The following SNX10 variants were observed in gnomAD, a reference collection of about 807,000 sequenced individuals.
The protein encoded by SNX10 is sorting nexin 10, also known as sorting nexin-10.
SNX10 carries 25 observed loss-of-function variants against 28.5 expected under a neutral mutation model. That is an observed-to-expected ratio of 0.88 (90% CI 0.64 to 1.22). The LOEUF (loss-of-function observed/expected upper bound fraction) is 1.22, where lower values mean the gene tolerates loss of function less well. SNX10 is among the 50% of genes most tolerant of loss of function. The pLI, the probability that SNX10 is intolerant of heterozygous loss-of-function variation, is 0.00. For synonymous variants in SNX10, 62 were observed against 81.4 expected, an observed-to-expected ratio of 0.76 and a Z score of 1.28; for missense variants, 223 against 242.6, an observed-to-expected ratio of 0.92 and a Z score of 0.54.
chr7:26,314,569 T>C (rs1300748724), intron 1 of SNX10, among the ~76,000 whole-genome samples: 3 of 152,226 alleles, frequency 2.0e-5, no homozygotes, highest in Admixed American at 6.5e-5. Context: ...TTATATTGAC[T>C]TGTGAATTTG....
At chr7:26,309,880 GTAA>G (rs1326453244) in intron 1 of SNX10, among the ~76,000 whole-genome samples, 1 of 152,166 alleles carries the variant, frequency 6.6e-6, no homozygotes, top group Non-Finnish European at 1.5e-5. Context: ...CAAAATTGAA[GTAA>G]TAATGATACC....
intron 1 of SNX10, among the ~76,000 whole-genome samples, chr7:26,338,967 C>T (rs549216936): frequency 6.6e-6 from 1 of 152,166 alleles, no homozygotes; most frequent in Non-Finnish European, 1.5e-5. Flanking sequence ...TCCCCAGGAG[C>T]AATTTAGGAA....
At chr7:26,324,842 A>T (rs1364257325) in intron 1 of SNX10, among the ~76,000 whole-genome samples, 1 of 150,682 alleles carries the variant, frequency 6.6e-6, no homozygotes, top group Non-Finnish European at 1.5e-5. Context: ...CCTGAATTAT[A>T]TTATTTAAAC....
At position 26,371,988 on chromosome 7, in the gene SNX10, A is replaced by G. The variant is rs1209170123; in HGVS notation, c.479A>G (p.Asp160Gly). 2 of 1,613,142 alleles carry G rather than the reference A, an allele frequency of 1.2e-6. No homozygotes were observed. Among genetic ancestry groups the G allele is most frequent in the Admixed American group, 3.3e-5 (2 of 59,988 alleles). Residue 160 changes from aspartate to glycine, a missense_variant, in exon 6 of 7, where the codon GAT becomes GGT. Asp to Gly is a moderately conservative substitution (Grantham distance 94). Transcript: ENST00000338523. ...ALMNRRFPEE[D>G]EEGKKENDID... The stretch of plus-strand genomic sequence containing the variant: ...ATGAATAGACGTTTCCCTGAAGAAG[A>G]TGAAGAAGGAAAAAAAGAAAATGAT...
intron 1 of SNX10, among the ~76,000 whole-genome samples, chr7:26,319,989 T>G (rs974905646): frequency 6.6e-6 from 1 of 151,812 alleles, no homozygotes; most frequent in Non-Finnish European, 1.5e-5. Flanking sequence ...ATTAATTAAT[T>G]TATTTATTTT....
At chr7:26,302,649 T>G (rs1004330891) in intron 1 of SNX10, among the ~76,000 whole-genome samples, 1 of 152,174 alleles carries the variant, frequency 6.6e-6, no homozygotes, top group Non-Finnish European at 1.5e-5. Flanking sequence ...TTCTGCGGGG[T>G]GCACCCTCGG....
intron 2 of SNX10, among the ~76,000 whole-genome samples, chr7:26,350,336 G>C (rs1788547109): frequency 6.6e-6 from 1 of 152,176 alleles, no homozygotes; most frequent in African/African-American, 2.4e-5. Flanking sequence ...CCACCACTGA[G>C]GGAGGAGATG....
At chr7:26,349,943 G>A (rs891848618) in intron 2 of SNX10, among the ~76,000 whole-genome samples, 35 of 152,190 alleles carry the variant, frequency 2.3e-4, no homozygotes, top group Admixed American at 1.3e-4. Context: ...TTGCCCAAGC[G>A]CCTGCTCCCT....
chr7:26,358,074 G>A (rs1243250746), intron 2 of SNX10, among the ~76,000 whole-genome samples: 1 of 152,150 alleles, frequency 6.6e-6, no homozygotes, highest in African/African-American at 2.4e-5. Context: ...AGAGAGGGAA[G>A]AAGTTTGCCA....
At chr7:26,360,210 A>G (rs566415809) in intron 2 of SNX10, among the ~76,000 whole-genome samples, 103 of 152,272 alleles carry the variant, frequency 6.8e-4, no homozygotes, top group Middle Eastern at 6.8e-3. Context: ...CACAAAGTCA[A>G]CTTCAACCCT....
At chr7:26,342,410 G>C (rs1455483399) in intron 1 of SNX10, among the ~76,000 whole-genome samples, 2 of 152,170 alleles carry the variant, frequency 1.3e-5, no homozygotes, top group Non-Finnish European at 2.9e-5. Flanking sequence ...CAATTGCGCT[G>C]TCATTGAATT....
At chr7:26,363,212 G>A (rs572071885) in intron 3 of SNX10, among the ~76,000 whole-genome samples, 7 of 152,114 alleles carry the variant, frequency 4.6e-5, no homozygotes, top group Non-Finnish European at 5.9e-5. Flanking sequence ...CTGCCATATC[G>A]TTAAAGATAA....
At chr7:26,329,660 A>G (rs1195928460) in intron 1 of SNX10, among the ~76,000 whole-genome samples, 1 of 152,126 alleles carries the variant, frequency 6.6e-6, no homozygotes, top group Non-Finnish European at 1.5e-5. Context: ...TTTGTTGCTG[A>G]TACCGTGTAC....
intron 1 of SNX10, among the ~76,000 whole-genome samples, chr7:26,300,689 G>C (rs1397632901): frequency 6.6e-6 from 1 of 152,098 alleles, no homozygotes; most frequent in Non-Finnish European, 1.5e-5. Context: ...TAATTCAGAA[G>C]GGTGATTTAC....
intron 1 of SNX10, among the ~76,000 whole-genome samples, chr7:26,335,944 C>CTT (rs1418069935): frequency 1.3e-5 from 2 of 151,296 alleles, no homozygotes; most frequent in Non-Finnish European, 2.9e-5. Flanking sequence ...GGGGTTTCAC[C>CTT]GTGGTCTCGA....
intron 1 of SNX10, among the ~76,000 whole-genome samples, chr7:26,327,246 C>T (rs951018213): frequency 2.0e-5 from 3 of 152,024 alleles, no homozygotes; most frequent in Non-Finnish European, 2.9e-5. Context: ...CCACTGCGCC[C>T]GGGTCTTGTT....
At chr7:26,326,416 C>T (rs1380242661) in intron 1 of SNX10, among the ~76,000 whole-genome samples, 1 of 152,186 alleles carries the variant, frequency 6.6e-6, no homozygotes, top group Non-Finnish European at 1.5e-5. Context: ...CATCCGAGTC[C>T]AGTGAATCAC....
chr7:26,298,874 G>T (rs1584084305), intron 1 of SNX10, among the ~76,000 whole-genome samples: 1 of 152,180 alleles, frequency 6.6e-6, no homozygotes, highest in East Asian at 1.9e-4. Context: ...CAAGCTCTTG[G>T]TATCTCCGCT....
chr7:26,344,396 T>G (rs182252340), intron 1 of SNX10, among the ~76,000 whole-genome samples: 7 of 152,228 alleles, frequency 4.6e-5, no homozygotes, highest in Admixed American at 3.9e-4. Context: ...CTCTAACTCC[T>G]GACCTCAGGT....
Sources: gnomAD v4.1 joint callset for allele counts (sites outside exome capture counted in the v4.1 genomes callset) on GRCh38, gnomAD v4.1.1 for gene constraint, MANE v1.5 for transcripts, NCBI Gene and HGNC (gene_info 2026-07-23, HGNC 2026-07-21) for gene names.